Variants in DPP10 observed in about 807,000 individuals in gnomAD.
The protein encoded by DPP10 is inactive dipeptidyl peptidase 10.
A neutral mutation model predicts 120.9 loss-of-function variants in DPP10; 33 were observed. The ratio of observed to expected loss-of-function variants is 0.27; its 90% CI spans 0.21 to 0.37. DPP10 has a LOEUF of 0.37. DPP10 is among the 10% of genes least tolerant of loss of function. DPP10 has a pLI of 1.00. For synonymous variants in DPP10, 337 were observed against 326.1 expected (o/e 1.03, Z -0.36); for missense variants, 816 against 942.8 (o/e 0.87, Z 1.76).
chr2:114,931,136 A>G (rs1053897356), intron 1 of DPP10, among the ~76,000 whole-genome samples: 2 of 152,136 alleles, frequency 1.3e-5, no homozygotes, highest in Admixed American at 1.3e-4. Flanking sequence ...ACCCGTTCCA[A>G]AACCACTTCC....
In DPP10 at chr2:115,591,671, GT is replaced by G. The variant is rs532111083; in HGVS notation, c.441+65705del. 7.6e-3 allele frequency among the ~76,000 whole-genome samples: 1,154 copies of G among 152,264 alleles called. 13 individuals are homozygous for G. The highest frequency in any genetic ancestry group is 0.027 in the African/African-American group (1,113 of 41,564). On this transcript the variant is annotated intron_variant, in intron 5 of 25. Transcript: ENST00000410059. ...TTGGTTCCATATGAACTTTAAAGTAGTTTTTTCCAATTCTGTGAAGAAAGTC... is the reference window on the plus strand; with the variant it reads ...TTGGTTCCATATGAACTTTAAAGTAGTTTTTCCAATTCTGTGAAGAAAGTC...
intron 1 of DPP10, among the ~76,000 whole-genome samples, chr2:115,048,037 T>C (rs2105331046): frequency 6.6e-6 from 1 of 152,280 alleles, no homozygotes; most frequent in Middle Eastern, 3.4e-3. Context: ...TACTGTTACA[T>C]TAAATGTTTT....
Position 115,227,231 on chromosome 2 carries a change from G to A in DPP10, c.61-82008G>A, listed in dbSNP as rs141105867. 8.5e-4 allele frequency among the ~76,000 whole-genome samples: 129 copies of A among 152,142 alleles called. 1 individual carries two copies. In the East Asian group the frequency reaches 0.019, roughly 22 times the overall value. Reference sequence around the variant, plus strand: ...TACATAAAATGAAATGTTCTGAAAAGACAATTATGTGAATATGGGAGATTC... The same window carrying A: ...TACATAAAATGAAATGTTCTGAAAAAACAATTATGTGAATATGGGAGATTC... On this transcript the variant is annotated intron_variant, in intron 1 of 25. Transcript: ENST00000410059.
intron 1 of DPP10, among the ~76,000 whole-genome samples, chr2:115,009,631 C>G (rs1702117604): frequency 6.6e-6 from 1 of 150,396 alleles, no homozygotes; most frequent in African/African-American, 2.4e-5. Flanking sequence ...AATGGATATC[C>G]CTTGGGCTAG....
At chr2:114,586,548 A>G (rs1052876081) in intron 1 of DPP10, among the ~76,000 whole-genome samples, 1 of 152,256 alleles carries the variant, frequency 6.6e-6, no homozygotes, top group African/African-American at 2.4e-5. Flanking sequence ...AGCAGACTTT[A>G]GTTAAGTACT....
Position 115,469,071 on chromosome 2 carries a change from G to A in DPP10, c.272-30439G>A, listed in dbSNP as rs546687553. On this transcript the variant is annotated intron_variant, in intron 3 of 25. Transcript: ENST00000410059. ...CTCCTGAGTAGCTGGGATTACAGGC[G>A]TGCACCACCATGCCCGGCTAATTTT... is the stretch of plus-strand genomic sequence containing the variant. The A allele has an allele frequency of 3.7e-4, 65 of 176,902 alleles. No homozygotes were observed. The South Asian group carries it at 6.1e-3, about 17-fold the overall frequency. The allele number at this position is 176,902 out of a possible 1,614,324, so 11.0% of individuals were successfully genotyped here.
intron 1 of DPP10, among the ~76,000 whole-genome samples, chr2:114,612,127 C>G (rs959732026): frequency 6.6e-6 from 1 of 152,182 alleles, no homozygotes; most frequent in East Asian, 1.9e-4. Context: ...TCTCCCTCCA[C>G]TGGTTTTCTT....
intron 1 of DPP10, among the ~76,000 whole-genome samples, chr2:114,462,823 A>C (rs1337390443): frequency 6.6e-6 from 1 of 152,140 alleles, no homozygotes; most frequent in African/African-American, 2.4e-5. Flanking sequence ...ATTATTTAAA[A>C]TTCTTCTATT....
chr2:115,216,402 G>T (rs775942743), intron 1 of DPP10, among the ~76,000 whole-genome samples: 1 of 152,142 alleles, frequency 6.6e-6, no homozygotes, highest in South Asian at 2.1e-4. Flanking sequence ...GAGAGATAAT[G>T]GAACTTCAAA....
intron 13 of DPP10, among the ~76,000 whole-genome samples, chr2:115,776,286 T>C (rs1003567924): frequency 2.0e-5 from 3 of 152,154 alleles, no homozygotes; most frequent in African/African-American, 7.2e-5. Flanking sequence ...TTTCTCCTAA[T>C]GCTATCCCTC....
At chr2:115,090,335 C>A (rs1264025897) in intron 1 of DPP10, among the ~76,000 whole-genome samples, 1 of 152,082 alleles carries the variant, frequency 6.6e-6, no homozygotes, top group African/African-American at 2.4e-5. Flanking sequence ...TGGTTTCTTT[C>A]TGTTATTACC....
At chr2:114,650,312 G>A (rs772423035) in intron 1 of DPP10, among the ~76,000 whole-genome samples, 1 of 152,112 alleles carries the variant, frequency 6.6e-6, no homozygotes, top group African/African-American at 2.4e-5. Flanking sequence ...GAAGGGCAGG[G>A]ATGCCTGTTT....
intron 8 of DPP10, among the ~76,000 whole-genome samples, chr2:115,730,750 C>T (rs2092886209): frequency 6.6e-6 from 1 of 152,062 alleles, no homozygotes; most frequent in Non-Finnish European, 1.5e-5. Context: ...TTGTGGAGAG[C>T]AGAACAAACG....
chr2:114,946,432 A>C (rs984234629), intron 1 of DPP10, among the ~76,000 whole-genome samples: 10 of 152,172 alleles, frequency 6.6e-5, no homozygotes, highest in Non-Finnish European at 1.3e-4. Flanking sequence ...ATGTAACACT[A>C]CTAATTTATA....
chr2:115,332,584 A>G (rs1348956366), intron 2 of DPP10, among the ~76,000 whole-genome samples: 1 of 152,110 alleles, frequency 6.6e-6, no homozygotes, highest in Non-Finnish European at 1.5e-5. Context: ...TTCCCGCTAC[A>G]CACTGCTTTA....
At chr2:115,198,651 A>G (rs888205292) in intron 1 of DPP10, among the ~76,000 whole-genome samples, 4 of 152,060 alleles carry the variant, frequency 2.6e-5, no homozygotes, top group Admixed American at 1.3e-4. Context: ...AAATTGCATC[A>G]CTTTTTACTT....
intron 21 of DPP10, among the ~76,000 whole-genome samples, chr2:115,827,447 T>G (rs12619635): frequency 0.24 from 29,963 of 125,986 alleles, 4,577 homozygotes; most frequent in East Asian, 0.59. Context: ...TATATATATA[T>G]GCTCTACAGT....
chr2:114,605,860 G>T lies in DPP10; in HGVS notation c.60+163022G>T, dbSNP rs114538766. ...GGTCCAATTGTTTTGCCAAGAACTG[G>T]GCTTGGGTGTTCACTTTTCATCTCT... On this transcript the variant is annotated intron_variant, in intron 1 of 25. Coordinates refer to ENST00000410059, the MANE Select transcript of DPP10 (RefSeq NM_020868.6). Among the ~76,000 whole-genome samples the T allele has an allele frequency of 7.0e-3, 1,061 of 152,164 alleles. 15 individuals are homozygous for T. Among genetic ancestry groups the T allele is most frequent in the African/African-American group, 0.024 (1,005 of 41,544 alleles).
chr2:115,308,369 A>G (rs1191371192), intron 1 of DPP10, among the ~76,000 whole-genome samples: 1 of 152,098 alleles, frequency 6.6e-6, no homozygotes, highest in African/African-American at 2.4e-5. Context: ...AAAGGATGAA[A>G]AGCAGTTGGG....
Sources: gnomAD v4.1 joint callset for allele counts (sites outside exome capture counted in the v4.1 genomes callset) on GRCh38, gnomAD v4.1.1 for gene constraint, MANE v1.5 for transcripts, NCBI Gene and HGNC (gene_info 2026-07-23, HGNC 2026-07-21) for gene names.